UBE2G1: variants seen among roughly 807,000 people sequenced by gnomAD.
The protein encoded by UBE2G1 is ubiquitin conjugating enzyme E2 G1.
Under a neutral mutation model 22.7 loss-of-function variants are expected in UBE2G1, and 5 were observed. The ratio of observed to expected loss-of-function variants is 0.22; its 90% CI spans 0.12 to 0.46. UBE2G1 has a LOEUF of 0.46. UBE2G1 is among the 20% of genes least tolerant of loss of function. The probability of loss-of-function intolerance (pLI) is 0.99; values close to 1 mark genes in which losing one functional copy is unlikely to be tolerated. For synonymous variants in UBE2G1, 74 were observed against 67.5 expected (o/e 1.10, Z -0.47); for missense variants, 88 against 203.9 (o/e 0.43, Z 3.46).
At chr17:4,325,438 A>G (rs1397977126) in intron 1 of UBE2G1, among the ~76,000 whole-genome samples, 2 of 152,234 alleles carry the variant, frequency 1.3e-5, no homozygotes, top group Non-Finnish European at 2.9e-5. Context: ...TGTATCACAC[A>G]TATGTACACT....
intron 1 of UBE2G1, among the ~76,000 whole-genome samples, chr17:4,343,600 T>C (rs963616301): frequency 2.6e-5 from 4 of 152,142 alleles, no homozygotes; most frequent in South Asian, 2.1e-4. Flanking sequence ...TTTTTCTTTT[T>C]TTTTTTGAGA....
intron 1 of UBE2G1, among the ~76,000 whole-genome samples, chr17:4,312,651 G>A (rs1000278702): frequency 1.1e-4 from 15 of 138,442 alleles, no homozygotes; most frequent in East Asian, 2.2e-4. Flanking sequence ...AGCCGAGATC[G>A]CGCCACTGCA....
chr17:4,355,534 T>TCTGAGG (rs1969895972), intron 1 of UBE2G1, among the ~76,000 whole-genome samples: 1 of 147,524 alleles, frequency 6.8e-6, no homozygotes, highest in Non-Finnish European at 1.5e-5. Context: ...CCCAGCTACT[T>TCTGAGG]CTGAGGCTGA....
chr17:4,350,965 A>G (rs1969838379), intron 1 of UBE2G1, among the ~76,000 whole-genome samples: 2 of 150,736 alleles, frequency 1.3e-5, no homozygotes, highest in Admixed American at 1.3e-4. Flanking sequence ...CTCGGGAGGC[A>G]GAGCTTGCAG....
chr17:4,284,228 C>T (rs1968931197), intron 4 of UBE2G1, among the ~76,000 whole-genome samples: 1 of 150,976 alleles, frequency 6.6e-6, no homozygotes, highest in South Asian at 2.1e-4. Context: ...CATTTTCCCT[C>T]ACCTATATCC....
intron 1 of UBE2G1, among the ~76,000 whole-genome samples, chr17:4,355,998 C>G (rs1294771473): frequency 7.2e-6 from 1 of 139,514 alleles, no homozygotes; most frequent in African/African-American, 2.7e-5. Flanking sequence ...CTGCACCTGG[C>G]AGAGTAGCCA....
At chr17:4,355,468 A>G (rs536664486) in intron 1 of UBE2G1, among the ~76,000 whole-genome samples, 65 of 149,070 alleles carry the variant, frequency 4.4e-4, no homozygotes, top group African/African-American at 1.6e-3. Flanking sequence ...ATGGTGAAAC[A>G]ACATTTCTAC....
At chr17:4,307,197 G>T in intron 1 of UBE2G1, 74 bp from the exon 2 acceptor site, 1 of 1,259,044 alleles carries the variant, frequency 7.9e-7, no homozygotes, top group South Asian at 1.2e-5. Context: ...TACAGAACTT[G>T]AGCGTACATG....
rs118022678 is a variant in UBE2G1, at chr17:4,343,001, C to T, written c.46+23270G>A. Among the ~76,000 whole-genome samples, 1,092 of 152,254 alleles carry T rather than the reference C, an allele frequency of 7.2e-3. 2 individuals carry two copies. Among genetic ancestry groups the T allele is most frequent in the Non-Finnish European group, 0.012 (820 of 68,030 alleles). Reference sequence around the variant, plus strand: ...CCCTCAACTTTTCATTCCCTTTCCCCGCTTTATTTTCTCTCCAGGGCACTT... The same window carrying T: ...CCCTCAACTTTTCATTCCCTTTCCCTGCTTTATTTTCTCTCCAGGGCACTT... On this transcript the variant is annotated intron_variant, in intron 1 of 5. Transcript: ENST00000396981.
intron 5 of UBE2G1, among the ~76,000 whole-genome samples, chr17:4,281,531 C>G (rs1968891764): frequency 6.6e-6 from 1 of 152,122 alleles, no homozygotes; most frequent in Admixed American, 6.6e-5. Flanking sequence ...CGGTTTCTCC[C>G]TCAACCCCCA....
intron 1 of UBE2G1, chr17:4,335,355 CCCAGACT>C (rs1598198256): frequency 1.3e-5 from 2 of 151,994 alleles, no homozygotes; most frequent in Admixed American, 1.3e-4. Context: ...TCAGGCTGGC[CCCAGACT>C]TCTCTAGAGT....
intron 3 of UBE2G1, among the ~76,000 whole-genome samples, chr17:4,291,337 G>A (rs1403869529): frequency 1.6e-5 from 2 of 126,578 alleles, no homozygotes; most frequent in Admixed American, 9.9e-5. Context: ...TCTAGCCTGG[G>A]CAACGGGCGA....
At chr17:4,365,962 G>A (rs919417285) in intron 1 of UBE2G1, among the ~76,000 whole-genome samples, 14 of 152,050 alleles carry the variant, frequency 9.2e-5, no homozygotes, top group Admixed American at 4.6e-4. Flanking sequence ...CCGGCCTGGG[G>A]ACCCGCACAC....
intron 5 of UBE2G1, among the ~76,000 whole-genome samples, chr17:4,272,832 G>T (rs759581198): frequency 6.6e-5 from 10 of 152,036 alleles, no homozygotes; most frequent in Non-Finnish European, 1.3e-4. Flanking sequence ...ATCACAGAAC[G>T]TTCTACTGGA....
At chr17:4,353,325 A>C (rs1001770770) in intron 1 of UBE2G1, among the ~76,000 whole-genome samples, 1 of 152,086 alleles carries the variant, frequency 6.6e-6, no homozygotes, top group Admixed American at 6.6e-5. Context: ...TAAATGGAAA[A>C]GAAAAATATG....
In UBE2G1 at chr17:4,362,751, TGGGGGCCGCA is replaced by T. The variant is rs113909446; in HGVS notation, c.46+3510_46+3519del. ...AGTACATGCCTGTAATCTCAGCTACTGGGGGCCGCAGGGGGCAGCAGAATCGCTTGAACCT... is the reference window on the plus strand; with the variant it reads ...AGTACATGCCTGTAATCTCAGCTACTGGGGGCAGCAGAATCGCTTGAACCT... On this transcript the variant is annotated intron_variant, in intron 1 of 5. Transcript: ENST00000396981. 9.0e-4 allele frequency among the ~76,000 whole-genome samples: 137 copies of T among 152,232 alleles called. 1 individual carries two copies. The highest frequency in any genetic ancestry group is 3.1e-3 in the African/African-American group (129 of 41,548).
At chr17:4,312,962 T>A (rs983854503) in intron 1 of UBE2G1, among the ~76,000 whole-genome samples, 6 of 152,092 alleles carry the variant, frequency 3.9e-5, no homozygotes, top group Admixed American at 2.0e-4. Flanking sequence ...CAAGTGGAAA[T>A]TTTTTCTAAA....
intron 2 of UBE2G1, among the ~76,000 whole-genome samples, chr17:4,304,395 CAGTT>C (rs949571702): frequency 7.6e-4 from 115 of 152,272 alleles, no homozygotes; most frequent in African/African-American, 2.6e-3. Context: ...AGTCTGAAAA[CAGTT>C]GGTATACCAC....
intron 5 of UBE2G1, among the ~76,000 whole-genome samples, chr17:4,274,890 T>C (rs576700391): frequency 1.6e-4 from 2 of 12,300 alleles, no homozygotes; most frequent in East Asian, 6.1e-3. Context: ...GTCTGTACAA[T>C]AAATAATATA....
Sources: allele counts gnomAD v4.1 joint callset (sites outside exome capture counted in the v4.1 genomes callset), GRCh38; gene constraint gnomAD v4.1.1; transcripts MANE v1.5; gene names NCBI Gene and HGNC (gene_info 2026-07-23, HGNC 2026-07-21).